The following RGS20 variants were observed in gnomAD, a reference collection of about 807,000 sequenced individuals.
The protein encoded by RGS20 is gz-selective GTPase-activating protein.
In RGS20, 30 loss-of-function variants were observed where a neutral mutation model predicts 33.6. The observed-to-expected ratio is 0.89, with a 90% confidence interval of 0.67 to 1.21. RGS20 has a LOEUF of 1.21. RGS20 is among the 50% of genes most tolerant of loss of function. The pLI is 0.00. For missense variants in RGS20, 472 were observed against 502.4 expected, an observed-to-expected ratio of 0.94 and a Z score of 0.58; for synonymous variants, 208 against 197.9, an observed-to-expected ratio of 1.05 and a Z score of -0.43.
At chr8:53,894,288 C>T (rs1812793454) in intron 2 of RGS20, among the ~76,000 whole-genome samples, 1 of 152,160 alleles carries the variant, frequency 6.6e-6, no homozygotes, top group African/African-American at 2.4e-5. Context: ...TCTGTTTGTT[C>T]AACATATCTA....
chr8:53,907,943 A>C (rs1211762812), intron 2 of RGS20, among the ~76,000 whole-genome samples: 1 of 152,026 alleles, frequency 6.6e-6, no homozygotes, highest in Non-Finnish European at 1.5e-5. Flanking sequence ...AAATACTCAC[A>C]ATGCCAGCCC....
At chr8:53,875,333 G>A (rs1168806585) in intron 1 of RGS20, among the ~76,000 whole-genome samples, 1 of 150,156 alleles carries the variant, frequency 6.7e-6, no homozygotes, top group East Asian at 2.0e-4. Flanking sequence ...TAAGGAGGCT[G>A]AGGCAGGAGA....
chr8:53,881,540 C>T (rs1318220659), intron 2 of RGS20, among the ~76,000 whole-genome samples: 1 of 151,718 alleles, frequency 6.6e-6, no homozygotes, highest in Non-Finnish European at 1.5e-5. Context: ...GTGGTTTGAG[C>T]GCCGCTGGGA....
intron 2 of RGS20, among the ~76,000 whole-genome samples, chr8:53,930,539 AT>A (rs1428537368): frequency 1.3e-5 from 2 of 152,002 alleles, no homozygotes; most frequent in Non-Finnish European, 2.9e-5. Context: ...TAATTAGGAT[AT>A]GGTTTTGTTT....
chr8:53,915,897 A>G (rs1813469960), intron 2 of RGS20, among the ~76,000 whole-genome samples: 1 of 152,192 alleles, frequency 6.6e-6, no homozygotes, highest in South Asian at 2.1e-4. Flanking sequence ...ATTTACTGAC[A>G]TATTTTACCA....
intron 1 of RGS20, among the ~76,000 whole-genome samples, chr8:53,873,522 ACAT>A (rs1454289813): frequency 2.0e-5 from 3 of 152,188 alleles, no homozygotes; most frequent in African/African-American, 7.2e-5. Flanking sequence ...CTTTCACTTA[ACAT>A]CATGTTTTTA....
chr8:53,917,649 G>T (rs916723235), intron 2 of RGS20, among the ~76,000 whole-genome samples: 1 of 152,142 alleles, frequency 6.6e-6, no homozygotes, highest in African/African-American at 2.4e-5. Context: ...CATACCTGTT[G>T]TCCCAGCACT....
intron 2 of RGS20, chr8:53,879,641 TC>T: frequency 7.2e-7 from 1 of 1,389,400 alleles, no homozygotes; most frequent in Non-Finnish European, 9.5e-7. Flanking sequence ...ACACCCAGCC[TC>T]CCCAGGACAC....
At chr8:53,945,639 G>C (rs1207524153) in intron 3 of RGS20, among the ~76,000 whole-genome samples, 1 of 152,192 alleles carries the variant, frequency 6.6e-6, no homozygotes, top group Non-Finnish European at 1.5e-5. Context: ...AAAGTGGCCG[G>C]GCACGGTGGC....
intron 2 of RGS20, among the ~76,000 whole-genome samples, chr8:53,915,252 T>C (rs1407172942): frequency 1.3e-5 from 2 of 152,152 alleles, no homozygotes; most frequent in Non-Finnish European, 2.9e-5. Flanking sequence ...AGACCAACAG[T>C]GGCAGGGGAG....
chr8:53,930,349 C>T (rs1229380326), intron 2 of RGS20, among the ~76,000 whole-genome samples: 1 of 152,094 alleles, frequency 6.6e-6, no homozygotes, highest in African/African-American at 2.4e-5. Context: ...AGGAGTAAAC[C>T]TATCAAAAAT....
At chr8:53,865,639 C>A (rs1811903045) in intron 1 of RGS20, among the ~76,000 whole-genome samples, 2 of 152,112 alleles carry the variant, frequency 1.3e-5, no homozygotes, top group African/African-American at 4.8e-5. Flanking sequence ...ACAGAGTTTG[C>A]CCTCTCGCCC....
intron 2 of RGS20, among the ~76,000 whole-genome samples, chr8:53,918,726 C>A (rs1180472725): frequency 6.6e-6 from 1 of 152,168 alleles, no homozygotes; most frequent in Non-Finnish European, 1.5e-5. Flanking sequence ...CATGTTGTAG[C>A]AGGATCCAGT....
chr8:53,957,229 C>T (rs1230964138), intron 5 of RGS20, among the ~76,000 whole-genome samples: 4 of 152,160 alleles, frequency 2.6e-5, no homozygotes, highest in Non-Finnish European at 4.4e-5. Flanking sequence ...CAGGTTCAAG[C>T]GATTCTCCTG....
chr8:53,864,430 GAAAA>G (rs754317203), intron 1 of RGS20, among the ~76,000 whole-genome samples: 1 of 82,920 alleles, frequency 1.2e-5, no homozygotes, highest in African/African-American at 4.5e-5. Context: ...AAGACTCCAT[GAAAA>G]AAAAAAAAAA....
chr8:53,909,209 GTATATATATATATATATATATATA>G (rs1178436696), intron 2 of RGS20, among the ~76,000 whole-genome samples: 24 of 43,734 alleles, frequency 5.5e-4, no homozygotes, highest in East Asian at 1.6e-3. Flanking sequence ...TGGTATGTGT[GTATATATATATATATATATATATA>G]TATATATATA....
intron 2 of RGS20, chr8:53,880,927 G>C: frequency 6.5e-7 from 1 of 1,549,930 alleles, no homozygotes; most frequent in South Asian, 1.2e-5. Context: ...ACCGAGAGCC[G>C]GAGAAAGGCG....
chr8:53,939,610 G>A lies in RGS20; in HGVS notation c.545G>A (p.Arg182Gln), dbSNP rs751368324. The A allele has an allele frequency of 5.6e-6, 9 of 1,604,514 alleles. No homozygotes were observed. In the East Asian group the frequency reaches 1.1e-4, roughly 20 times the overall value. The change falls in exon 3 of 6, where the codon CGG becomes CAG. Residue 182 changes from arginine to glutamine, a missense_variant. Arg to Gln is a conservative substitution (Grantham distance 43). Around this residue, in one of 3 missense-constraint regions of RGS20, gnomAD observed 319 missense variants for 283.4 expected, o/e 1.13. Transcript: ENST00000297313. ...TCAGAGCGGATGGAGATGCGGAAGC[G>A]GCAGATGCCCGCCGCCCAGGACACA...
chr8:53,910,080 T>C (rs1245380296), intron 2 of RGS20, among the ~76,000 whole-genome samples: 1 of 152,132 alleles, frequency 6.6e-6, no homozygotes, highest in Non-Finnish European at 1.5e-5. Context: ...AGTCATGAGG[T>C]AAAACACAGA....
Sources: gnomAD v4.1 joint callset for allele counts (sites outside exome capture counted in the v4.1 genomes callset) on GRCh38, gnomAD v4.1.1 for gene constraint, gnomAD v4.1.1 regional missense constraint, MANE v1.5 for transcripts, NCBI Gene and HGNC (gene_info 2026-07-23, HGNC 2026-07-21) for gene names.